The following KAZN variants were observed in gnomAD, a reference collection of about 807,000 sequenced individuals.
KAZN encodes the protein kazrin, periplakin interacting protein.
Under a neutral mutation model 87.4 loss-of-function variants are expected in KAZN, and 40 were observed. The observed-to-expected ratio is 0.46, with a 90% CI of 0.36 to 0.60. The LOEUF (loss-of-function observed/expected upper bound fraction) is 0.60, where lower values mean the gene tolerates loss of function less well. Ranked by LOEUF, KAZN falls within the 20% of genes least tolerant of loss-of-function variation. The pLI, the probability that KAZN is intolerant of heterozygous loss-of-function variation, is 0.00. For synonymous variants in KAZN, 466 were observed against 458.3 expected (o/e 1.02, Z -0.22); for missense variants, 898 against 1,073.9 (o/e 0.84, Z 2.29).
chr1:14,087,164 T>C (rs1643877116), intron 1 of KAZN, among the ~76,000 whole-genome samples: 1 of 152,132 alleles, frequency 6.6e-6, no homozygotes, highest in African/African-American at 2.4e-5. Context: ...TTGTTTTAAG[T>C]TTTCTCAGAA....
chr1:14,918,536 C>T (rs532649604), intron 1 of KAZN, among the ~76,000 whole-genome samples: 1 of 151,476 alleles, frequency 6.6e-6, no homozygotes, highest in East Asian at 1.9e-4. Flanking sequence ...ATTAGCCGGA[C>T]GTGGTAGCAC....
At chr1:14,295,202 A>G (rs1367694884) in intron 2 of KAZN, among the ~76,000 whole-genome samples, 2 of 152,190 alleles carry the variant, frequency 1.3e-5, no homozygotes, top group South Asian at 2.1e-4. Flanking sequence ...CCACAAAGTC[A>G]TGGCTATCAG....
intron 3 of KAZN, among the ~76,000 whole-genome samples, chr1:15,035,452 A>C (rs1225360039): frequency 6.6e-6 from 1 of 152,182 alleles, no homozygotes; most frequent in Admixed American, 6.5e-5. Flanking sequence ...TGTGGGGTGA[A>C]TAGGAGTTTA....
chr1:14,022,485 C>CAAAAAAAAAAAAAAAAAAAAAAAAA (rs58713618), intron 1 of KAZN, among the ~76,000 whole-genome samples: 8 of 110,480 alleles, frequency 7.2e-5, no homozygotes, highest in East Asian at 3.6e-4. Flanking sequence ...GTATTTAAAG[C>CAAAAAAAAAAAAAAAAAAAAAAAAA]AAAAAAAAAA....
intron 1 of KAZN, among the ~76,000 whole-genome samples, chr1:14,027,626 C>T (rs1038672767): frequency 2.0e-5 from 3 of 152,050 alleles, no homozygotes; most frequent in Non-Finnish European, 4.4e-5. Flanking sequence ...AAAATAATTG[C>T]TTTTCACAGG....
intron 2 of KAZN, among the ~76,000 whole-genome samples, chr1:14,450,499 A>G (rs1667213063): frequency 2.0e-5 from 3 of 152,176 alleles, no homozygotes; most frequent in Admixed American, 2.0e-4. Flanking sequence ...CTGAGACAGG[A>G]GAATTGCATG....
intron 2 of KAZN, among the ~76,000 whole-genome samples, chr1:15,023,574 T>C (rs1670892540): frequency 1.3e-5 from 2 of 151,868 alleles, no homozygotes; most frequent in Non-Finnish European, 2.9e-5. Flanking sequence ...TGGAGACAGA[T>C]CTTGGGGGGG....
chr1:13,924,070 G>T (rs189943457), intron 1 of KAZN, among the ~76,000 whole-genome samples: 1 of 152,228 alleles, frequency 6.6e-6, no homozygotes. Context: ...TTTTGATAAT[G>T]TTCTCTCTGT....
At chr1:14,879,703 C>T (rs1243580286) in intron 1 of KAZN, among the ~76,000 whole-genome samples, 2 of 152,150 alleles carry the variant, frequency 1.3e-5, no homozygotes, top group African/African-American at 4.8e-5. Flanking sequence ...AACTGGGCTC[C>T]AGAATGAAGG....
At chr1:14,274,733 G>A (rs1033701779) in intron 2 of KAZN, among the ~76,000 whole-genome samples, 4 of 152,076 alleles carry the variant, frequency 2.6e-5, no homozygotes, top group South Asian at 2.1e-4. Flanking sequence ...GTCACTCCTC[G>A]TTTTGTTCTT....
intron 1 of KAZN, among the ~76,000 whole-genome samples, chr1:14,928,497 C>G (rs1205868195): frequency 6.6e-6 from 1 of 151,960 alleles, no homozygotes; most frequent in Non-Finnish European, 1.5e-5. Context: ...TTTCTGGTCT[C>G]TTTTTCCTTT....
intron 1 of KAZN, among the ~76,000 whole-genome samples, chr1:13,907,518 G>GTGGGGATGGGGGTTC (rs1639488493): frequency 6.6e-6 from 1 of 151,480 alleles, no homozygotes. Context: ...TGTTGGGTGG[G>GTGGGGATGGGGGTTC]TGGGAATGGG....
chr1:14,327,446 C>G (rs930983965), intron 2 of KAZN, among the ~76,000 whole-genome samples: 2 of 152,130 alleles, frequency 1.3e-5, no homozygotes, highest in Non-Finnish European at 2.9e-5. Flanking sequence ...GGCGAATTCC[C>G]TCTCATCCCC....
At chr1:14,879,193 C>T (rs1290427358) in intron 1 of KAZN, among the ~76,000 whole-genome samples, 1 of 152,186 alleles carries the variant, frequency 6.6e-6, no homozygotes, top group Non-Finnish European at 1.5e-5. Context: ...GTGCTGGTCA[C>T]CTGGTTCCTG....
chr1:14,415,288 C>T (rs915769940), intron 2 of KAZN, among the ~76,000 whole-genome samples: 6 of 151,840 alleles, frequency 4.0e-5, no homozygotes, highest in Non-Finnish European at 2.9e-5. Flanking sequence ...TTAATCCGGA[C>T]AATATGTAGA....
chr1:14,974,291 G>A (rs760674616), intron 2 of KAZN, among the ~76,000 whole-genome samples: 1 of 152,154 alleles, frequency 6.6e-6, no homozygotes, highest in Non-Finnish European at 1.5e-5. Flanking sequence ...AAAGGCATGT[G>A]GCATGGGAGA....
At chr1:15,039,507 A>G (rs557091760) in intron 3 of KAZN, among the ~76,000 whole-genome samples, 2 of 152,176 alleles carry the variant, frequency 1.3e-5, no homozygotes, top group Non-Finnish European at 2.9e-5. Flanking sequence ...AACCATGGGT[A>G]GAGTGCTGGC....
Position 15,030,700 on chromosome 1 carries a change from G to A in KAZN, c.419-4049G>A, listed in dbSNP as rs147962985. Among the ~76,000 whole-genome samples the A allele has an allele frequency of 7.1e-3, 1,086 of 152,324 alleles. 11 individuals carry two copies. Among genetic ancestry groups the A allele is most frequent in the African/African-American group, 0.025 (1,033 of 41,570 alleles). On this transcript the variant is annotated intron_variant, in intron 2 of 14. Transcript: ENST00000376030. ...TGCCTGAGGCCTGCAGGGCCCACCC[G>A]CTGCCTGGCAGGAGTGAAGCAGAAG...
intron 1 of KAZN, among the ~76,000 whole-genome samples, chr1:14,019,215 A>T (rs12040786): frequency 1.3e-5 from 2 of 151,906 alleles, no homozygotes; most frequent in African/African-American, 4.8e-5. Context: ...AACACCATAT[A>T]CCCCAGATAT....
Sources: allele counts gnomAD v4.1 joint callset (sites outside exome capture counted in the v4.1 genomes callset), GRCh38; gene constraint gnomAD v4.1.1; transcripts MANE v1.5; gene names NCBI Gene and HGNC (gene_info 2026-07-23, HGNC 2026-07-21).